ART3: variants seen among roughly 807,000 people sequenced by gnomAD.
The protein encoded by ART3 is ADP-ribosyltransferase 3 (inactive), also known as ecto-ADP-ribosyltransferase 3.
In ART3, 49 loss-of-function variants were observed where a neutral mutation model predicts 48.5. The ratio of observed to expected loss-of-function variants is 1.01; its 90% CI spans 0.80 to 1.28. The LOEUF is 1.28. ART3 is among the 50% of genes most tolerant of loss of function. The pLI, the probability that ART3 is intolerant of heterozygous loss-of-function variation, is 0.00. For synonymous variants in ART3, 145 were observed against 157.2 expected (o/e 0.92, Z 0.58); for missense variants, 438 against 454.3 (o/e 0.96, Z 0.33).
chr4:76,011,279 T>A (rs765565668), exon 1 of ART3: 5 of 152,614 alleles, frequency 3.3e-5, no homozygotes, highest in Admixed American at 6.5e-5. Context: ...CTGCCAGTGC[T>A]GATCCAGCCG....
At chr4:76,040,373 T>A (rs1734831305) in intron 1 of ART3, among the ~76,000 whole-genome samples, 1 of 150,596 alleles carries the variant, frequency 6.6e-6, no homozygotes, top group Admixed American at 6.6e-5. Context: ...AGAAGAACCT[T>A]ACCACCAGAG....
chr4:76,085,443 C>T (rs1231450165), intron 3 of ART3, among the ~76,000 whole-genome samples: 1 of 152,108 alleles, frequency 6.6e-6, no homozygotes, highest in Non-Finnish European at 1.5e-5. Context: ...TAAGGAAGTC[C>T]TCACTCTTAG....
chr4:76,016,045 A>G (rs182403190), intron 1 of ART3, among the ~76,000 whole-genome samples: 60 of 152,318 alleles, frequency 3.9e-4, no homozygotes, highest in Admixed American at 2.6e-3. Flanking sequence ...TTTTGGTATC[A>G]GGGTAATACT....
At chr4:76,083,412 C>T (rs1578476070) in intron 3 of ART3, among the ~76,000 whole-genome samples, 1 of 152,198 alleles carries the variant, frequency 6.6e-6, no homozygotes, top group African/African-American at 2.4e-5. Context: ...GTATGTAACC[C>T]TCATCTACCG....
chr4:76,034,693 G>A (rs904734397), intron 1 of ART3: 5 of 936,244 alleles, frequency 5.3e-6, no homozygotes, highest in East Asian at 2.6e-5. Flanking sequence ...AAAAGTCTCA[G>A]TTTCCTACTG....
intron 3 of ART3, among the ~76,000 whole-genome samples, chr4:76,083,286 C>G (rs1022614807): frequency 6.6e-6 from 1 of 152,156 alleles, no homozygotes; most frequent in Non-Finnish European, 1.5e-5. Context: ...ATTCTTTTAG[C>G]TATTTCTTCA....
chr4:76,072,237 T>C (rs1720390756), upstream of ART3, among the ~76,000 whole-genome samples: 1 of 152,250 alleles, frequency 6.6e-6, no homozygotes, highest in Admixed American at 6.5e-5. Context: ...ATCATTTCCA[T>C]TTACTTTTTT....
At chr4:76,034,218 A>G (rs1734130283) in intron 1 of ART3, 1 of 383,986 alleles carries the variant, frequency 2.6e-6, no homozygotes, top group Non-Finnish European at 4.6e-6. Flanking sequence ...TGGGGAAAGA[A>G]GTGTGTATTT....
chr4:76,013,190 T>C (rs1322891212), intron 1 of ART3, among the ~76,000 whole-genome samples: 1 of 152,078 alleles, frequency 6.6e-6, no homozygotes, highest in African/African-American at 2.4e-5. Context: ...AAAAGGAGAA[T>C]TGGCTGGAAT....
intron 9 of ART3, 37 bp downstream of exon 9, chr4:76,104,006 A>G: frequency 6.2e-7 from 1 of 1,600,548 alleles, no homozygotes; most frequent in South Asian, 1.1e-5. Context: ...GAGCCCAAGA[A>G]TGAGTTGAGC....
intron 3 of ART3, among the ~76,000 whole-genome samples, chr4:76,088,172 G>A (rs2149592142): frequency 6.6e-6 from 1 of 152,146 alleles, no homozygotes; most frequent in East Asian, 1.9e-4. Flanking sequence ...CACCCTACAG[G>A]GCAAATATAC....
chr4:76,072,894 T>C (rs750891459), upstream of ART3, among the ~76,000 whole-genome samples: 1 of 152,196 alleles, frequency 6.6e-6, no homozygotes, highest in Non-Finnish European at 1.5e-5. Context: ...TCTTCATGGC[T>C]GATCTCTTTC....
At chr4:76,016,307 G>A (rs1297997163) in intron 1 of ART3, among the ~76,000 whole-genome samples, 5 of 152,200 alleles carry the variant, frequency 3.3e-5, no homozygotes, top group Non-Finnish European at 5.9e-5. Flanking sequence ...CAGTAATACT[G>A]TAGTTTTTGC....
intron 1 of ART3, among the ~76,000 whole-genome samples, chr4:76,025,613 T>C (rs763254198): frequency 6.6e-6 from 1 of 152,194 alleles, no homozygotes; most frequent in Non-Finnish European, 1.5e-5. Flanking sequence ...CATAGATTAT[T>C]TTTGCCTGTT....
intron 10 of ART3, among the ~76,000 whole-genome samples, chr4:76,106,988 C>T (rs759337645): frequency 6.6e-6 from 1 of 152,084 alleles, no homozygotes; most frequent in South Asian, 2.1e-4. Flanking sequence ...GTACCCATAC[C>T]GTTCTCTTTT....
chr4:76,086,546 A>G (rs1250549434), intron 3 of ART3, among the ~76,000 whole-genome samples: 1 of 152,234 alleles, frequency 6.6e-6, no homozygotes, highest in Non-Finnish European at 1.5e-5. Flanking sequence ...CTAATGTGTA[A>G]CATGAGGACT....
At chr4:76,059,801 C>A (rs1316214389) in intron 1 of ART3, among the ~76,000 whole-genome samples, 1 of 152,172 alleles carries the variant, frequency 6.6e-6, no homozygotes, top group African/African-American at 2.4e-5. Flanking sequence ...TTTATAAACA[C>A]AAGTTGGAGA....
intron 1 of ART3, chr4:76,041,212 C>T (rs1370661897): frequency 3.9e-5 from 6 of 152,150 alleles, no homozygotes; most frequent in African/African-American, 1.2e-4. Context: ...TGGGGTCAGA[C>T]GTGTCTTCAG....
At chr4:76,033,341 T>C (rs1224736896) in intron 1 of ART3, among the ~76,000 whole-genome samples, 1 of 152,192 alleles carries the variant, frequency 6.6e-6, no homozygotes, top group Non-Finnish European at 1.5e-5. Flanking sequence ...TGAAATAATT[T>C]TCTTACTAAT....
Sources: allele counts gnomAD v4.1 joint callset (sites outside exome capture counted in the v4.1 genomes callset), GRCh38; gene constraint gnomAD v4.1.1; transcripts MANE v1.5; gene names NCBI Gene and HGNC (gene_info 2026-07-23, HGNC 2026-07-21).